Variants in EVI2B observed in about 807,000 individuals in gnomAD.
The protein encoded by EVI2B is protein EVI2B.
EVI2B carries 4 observed loss-of-function variants against 6.6 expected under a neutral mutation model. The ratio of observed to expected loss-of-function variants is 0.61; its 90% CI spans 0.30 to 1.39. EVI2B has a LOEUF of 1.39. EVI2B is among the 40% of genes most tolerant of loss of function. The pLI is 0.08. For synonymous variants in EVI2B, 181 were observed against 186.8 expected, an observed-to-expected ratio of 0.97 and a Z score of 0.25; for missense variants, 484 against 516.6, an observed-to-expected ratio of 0.94 and a Z score of 0.61.
At position 31,304,838 on chromosome 17, in the gene EVI2B, T is replaced by C. The variant is rs1291262173; in HGVS notation, c.772A>G (p.Arg258Gly). The change falls in exon 2 of 2, where the codon AGA (arginine) becomes GGA (glycine). Residue 258 changes from arginine (R) to glycine (G), a missense_variant. By Grantham distance (125) the Arg-to-Gly change is moderately radical. Transcript: ENST00000330927. ...ETPDICMDNI[R>G]ENEISTKRTS... ...CGTTTTGTGGATATTTCATTTTCTC[T>C]GATGTTATCCATACAAATGTCAGGG... 5 of 1,613,944 alleles carry C rather than the reference T, an allele frequency of 3.1e-6. No homozygotes were observed. The highest frequency in any genetic ancestry group is 1.3e-5 in the African/African-American group (1 of 74,910).
chr17:31,307,158 A>C (rs1420758974), intron 1 of EVI2B, among the ~76,000 whole-genome samples: 1 of 152,008 alleles, frequency 6.6e-6, no homozygotes, highest in African/African-American at 2.4e-5. Context: ...AGTAGCTGGG[A>C]TTACAGGTAC....
rs764743176 is a variant in EVI2B at position 31,304,597 on chromosome 17, A to G, written c.1013T>C (p.Leu338Pro). 1 of 1,614,140 alleles carries G rather than the reference A, an allele frequency of 6.2e-7. No individual in the cohort carries two copies. The highest frequency in any genetic ancestry group is 8.5e-7 in the Non-Finnish European group (1 of 1,180,012). ...ATCCAGAAGGGGAGGTGGTGGAGGCAGATCTGCATCATCTGAAGAAGAAAC... is the reference window on the plus strand; with the variant it reads ...ATCCAGAAGGGGAGGTGGTGGAGGCGGATCTGCATCATCTGAAGAAGAAAC... ...TAVSSSDDAD[L>P]PPPPPLLDLE... The change falls in exon 2 of 2, where the codon CTG (leucine) becomes CCG (proline). Residue 338 changes from leucine to proline, a missense_variant. Coordinates refer to ENST00000330927, the MANE Select transcript of EVI2B (RefSeq NM_006495.4).
chr17:31,305,100 T>C lies in EVI2B; in HGVS notation c.510A>G (p.Pro170=), dbSNP rs1363717347. The change falls in exon 2 of 2, where the codon CCA becomes CCG. Residue 170 remains proline (P), a synonymous_variant. Transcript: ENST00000330927. ...TAGGTGAATTTTTGACAGTTGATGT[T>C]GGTTGTGTGGATGGATTATGAACAG... The part of the protein sequence containing the change: ...QITVHNPSTQ[P]TSTVKNSPRS... 2 of 1,614,184 alleles carry C rather than the reference T, an allele frequency of 1.2e-6. No individual in the cohort carries two copies. Among genetic ancestry groups the C allele is most frequent in the South Asian group, 2.2e-5 (2 of 91,082 alleles).
chr17:31,313,416 G>A (rs2068933677), intron 1 of EVI2B, among the ~76,000 whole-genome samples: 1 of 152,014 alleles, frequency 6.6e-6, no homozygotes, highest in Admixed American at 6.6e-5. Flanking sequence ...TAACAAATAT[G>A]ATTGTGGCTG....
chr17:31,313,196 C>G (rs989986719), intron 1 of EVI2B, among the ~76,000 whole-genome samples: 1 of 152,072 alleles, frequency 6.6e-6, no homozygotes, highest in African/African-American at 2.4e-5. Flanking sequence ...AGTGACCATT[C>G]TTACTATGCA....
intron 1 of EVI2B, among the ~76,000 whole-genome samples, chr17:31,308,321 A>AGTAGAGACAGGGTTTCACCATGTT (rs1463400351): frequency 2.0e-5 from 3 of 151,954 alleles, no homozygotes. Context: ...TTGTATTTTT[A>AGTAGAGACAGGGTTTCACCATGTT]GTAGAGACAG....
intron 1 of EVI2B, among the ~76,000 whole-genome samples, chr17:31,312,376 T>A (rs2068899462): frequency 6.6e-6 from 1 of 151,898 alleles, no homozygotes; most frequent in Non-Finnish European, 1.5e-5. Flanking sequence ...CCAGGCGTGG[T>A]GGTGGGTGCC....
rs9896323 is a variant in EVI2B, at chr17:31,306,558, G to A, written c.-21-928C>T. The stretch of plus-strand genomic sequence containing the variant: ...TACCACTAAGTTTCTTAGGCACAGA[G>A]TCTATTAGTAATCTTTGAAGCATCC... On this transcript the variant is annotated intron_variant, in intron 1 of 1. Coordinates refer to ENST00000330927, the MANE Select transcript of EVI2B (RefSeq NM_006495.4). Among the ~76,000 whole-genome samples the A allele has an allele frequency of 7.6e-3, 1,163 of 152,208 alleles. 18 individuals are homozygous for A. Among genetic ancestry groups the A allele is most frequent in the African/African-American group, 0.027 (1,118 of 41,542 alleles).
At chr17:31,305,668 G>T in intron 1 of EVI2B, 38 bp from the exon 2 acceptor site, 1 of 1,529,638 alleles carries the variant, frequency 6.5e-7, no homozygotes, top group Non-Finnish European at 8.8e-7. Flanking sequence ...AGACAGTTAG[G>T]CGTCATTGGT....
chr17:31,305,410 G>A lies in EVI2B; in HGVS notation c.200C>T (p.Ser67Phe), dbSNP rs929602758. ...TTTGGCAGGTGATATTGATTGTCCA[G>A]AAAAAGTGTCGCTGAATTGTGTTGG... ...GQPTQFSDTF[S>F]GQSISPAKVT... Residue 67 changes from serine to phenylalanine, a missense_variant, in exon 2 of 2, where the codon TCT becomes TTT. Coordinates refer to ENST00000330927, the MANE Select transcript of EVI2B (RefSeq NM_006495.4). 1 of 1,614,074 alleles carries A rather than the reference G, an allele frequency of 6.2e-7. No homozygotes were observed. The highest frequency in any genetic ancestry group is 1.3e-5 in the African/African-American group (1 of 74,926).
chr17:31,303,906 A>G lies in EVI2B; in HGVS notation c.*357T>C, dbSNP rs1053562735. 6.1e-6 allele frequency: 1 copy of G among 163,280 alleles called. No individual in the cohort carries two copies. The highest frequency in any genetic ancestry group is 1.3e-5 in the Non-Finnish European group (1 of 74,990). The allele number at this position is 163,280 out of a possible 1,614,324, so 10.1% of individuals were successfully genotyped here. ...CTCCACCCTGGTCTTTGAAATGGAA[A>G]CATAAAAGTTTATTCACCATAATTT... On this transcript the variant is annotated 3_prime_UTR_variant, in exon 2 of 2. Coordinates refer to ENST00000330927, the MANE Select transcript of EVI2B (RefSeq NM_006495.4).
intron 1 of EVI2B, among the ~76,000 whole-genome samples, chr17:31,311,508 C>T (rs867629290): frequency 4.6e-5 from 7 of 152,032 alleles, no homozygotes; most frequent in Middle Eastern, 3.4e-3. Context: ...GTTTTGAAAC[C>T]GTAAAAGAAA....
At chr17:31,313,935 T>C (rs2068956510) in intron 1 of EVI2B, 44 bp downstream of exon 1, 1 of 397,554 alleles carries the variant, frequency 2.5e-6, no homozygotes, top group Non-Finnish European at 4.4e-6. Flanking sequence ...AAATAAATTT[T>C]ATATAAAGCA....
Position 31,305,505 on chromosome 17 carries a change from G to T in EVI2B, c.105C>A (p.Thr35=). The T allele has an allele frequency of 6.2e-7, 1 of 1,614,160 alleles. No homozygotes were observed. Among genetic ancestry groups the T allele is most frequent in the Non-Finnish European group, 8.5e-7 (1 of 1,180,020 alleles). ...CCTGTGACATTGATGATGTGAATAA[G>T]GTAGGCTGTGACTGCTTCTCTGTTG... The part of the protein sequence containing the change: ...TITTEKQSQP[T]LFTSSMSQVL... The change falls in exon 2 of 2, where the codon ACC becomes ACA. Residue 35 remains threonine (T), a synonymous_variant. Transcript: ENST00000330927.
intron 1 of EVI2B, among the ~76,000 whole-genome samples, chr17:31,307,157 G>A (rs184090688): frequency 1.2e-3 from 182 of 152,172 alleles, no homozygotes; most frequent in African/African-American, 4.1e-3. Context: ...AAGTAGCTGG[G>A]ATTACAGGTA....
chr17:31,306,329 A>G (rs1016643390), intron 1 of EVI2B, among the ~76,000 whole-genome samples: 2 of 150,964 alleles, frequency 1.3e-5, no homozygotes, highest in Admixed American at 6.6e-5. Flanking sequence ...CTGTACCTCC[A>G]GCCTACATCT....
In EVI2B at chr17:31,305,186, A is replaced by G; in HGVS notation, c.424T>C (p.Phe142Leu). ...RTSTTQPPKS[F>L]VYTFTQQSSS... The stretch of plus-strand genomic sequence containing the variant: ...GATTGTTGAGTAAAAGTATAGACAA[A>G]TGACTTTGGTGGTTGTGTGGTAGAA... The change falls in exon 2 of 2, where the codon TTT becomes CTT. Residue 142 changes from phenylalanine (F) to leucine (L), a missense_variant. Physicochemically the swap from Phe to Leu is conservative, Grantham distance 22. Transcript: ENST00000330927. The G allele has an allele frequency of 6.2e-7, 1 of 1,614,138 alleles. No homozygotes were observed. The highest frequency in any genetic ancestry group is 8.5e-7 in the Non-Finnish European group (1 of 1,180,026).
At position 31,305,393 on chromosome 17, in the gene EVI2B, G is replaced by T; in HGVS notation, c.217C>A (p.Pro73Thr). The change falls in exon 2 of 2, where the codon CCT (proline) becomes ACT (threonine). Residue 73 changes from proline to threonine, a missense_variant. Physicochemically the swap from Pro to Thr is conservative, Grantham distance 38 (BLOSUM62 -1). Coordinates refer to ENST00000330927, the MANE Select transcript of EVI2B (RefSeq NM_006495.4). ...SDTFSGQSIS[P>T]AKVTAGQPTP... ...GGTTGTCCAGCAGTGACTTTGGCAG[G>T]TGATATTGATTGTCCAGAAAAAGTG... The T allele has an allele frequency of 6.2e-7, 1 of 1,614,180 alleles. No homozygotes were observed. Among genetic ancestry groups the T allele is most frequent in the South Asian group, 1.1e-5 (1 of 91,082 alleles).
rs1428572797 is a variant in EVI2B, at chr17:31,305,628, T to TA, written c.-20dup. The TA allele has an allele frequency of 6.2e-7, 1 of 1,602,442 alleles. No individual in the cohort carries two copies. The highest frequency in any genetic ancestry group is 8.5e-7 in the Non-Finnish European group (1 of 1,173,792). ...GATCCATTTCAGAATATTTCCTCGT[T>TA]ATCTATAGCGGGTTTATAATGAAAG... On this transcript the variant is annotated splice_region_variant and 5_prime_UTR_variant, in exon 2 of 2. Transcript: ENST00000330927.
Sources: allele counts gnomAD v4.1 joint callset (sites outside exome capture counted in the v4.1 genomes callset), GRCh38; gene constraint gnomAD v4.1.1; transcripts MANE v1.5; gene names NCBI Gene and HGNC (gene_info 2026-07-23, HGNC 2026-07-21).